The following FRMD4A variants were observed in gnomAD, a reference collection of about 807,000 sequenced individuals.
FRMD4A encodes the protein FERM domain-containing protein 4A.
FRMD4A carries 29 observed loss-of-function variants against 129.1 expected under a neutral mutation model. The ratio of observed to expected loss-of-function variants is 0.22; its 90% CI spans 0.17 to 0.31. The LOEUF is 0.31. Ranked by LOEUF, FRMD4A falls within the 10% of genes least tolerant of loss-of-function variation. The pLI, the probability that FRMD4A is intolerant of heterozygous loss-of-function variation, is 1.00. For synonymous variants in FRMD4A, 634 were observed against 571.6 expected, an observed-to-expected ratio of 1.11 and a Z score of -1.56; for missense variants, 1,272 against 1,375.8, an observed-to-expected ratio of 0.92 and a Z score of 1.19.
chr10:13,963,269 C>CTTTT (rs142764391), intron 2 of FRMD4A, among the ~76,000 whole-genome samples: 3 of 116,814 alleles, frequency 2.6e-5, no homozygotes, highest in African/African-American at 9.7e-5. Context: ...GTGCAAGCCT[C>CTTTT]TTTTTTTTTT....
chr10:14,229,326 T>C (rs1843558208), intron 2 of FRMD4A, among the ~76,000 whole-genome samples: 1 of 152,214 alleles, frequency 6.6e-6, no homozygotes, highest in Admixed American at 6.5e-5. Flanking sequence ...CCAAGTTGGT[T>C]GCATGGGTGG....
At chr10:14,133,706 G>A (rs1839385767) in intron 2 of FRMD4A, among the ~76,000 whole-genome samples, 1 of 151,868 alleles carries the variant, frequency 6.6e-6, no homozygotes, top group Admixed American at 6.6e-5. Context: ...GGAGAGGGAG[G>A]AGTAATCAAC....
chr10:13,761,498 T>C, intron 8 of FRMD4A, 149 bp downstream of exon 8: 1 of 649,930 alleles, frequency 1.5e-6, no homozygotes, highest in Non-Finnish European at 2.8e-6. Flanking sequence ...ATCTATCTGT[T>C]TCAGTGGACA....
intron 15 of FRMD4A, chr10:13,684,816 C>A (rs548774764): frequency 1.0e-5 from 10 of 982,128 alleles, no homozygotes; most frequent in Non-Finnish European, 1.2e-5. Context: ...AGAAAGGAAT[C>A]GGTTGTTCTA....
intron 24 of FRMD4A, chr10:13,647,964 C>A (rs2081251667): frequency 6.6e-6 from 1 of 152,054 alleles, no homozygotes; most frequent in Non-Finnish European, 1.5e-5. Flanking sequence ...CAGGAAGGGA[C>A]CCTAACCCAA....
At chr10:13,902,548 T>C (rs2094833421) in intron 2 of FRMD4A, among the ~76,000 whole-genome samples, 2 of 149,482 alleles carry the variant, frequency 1.3e-5, no homozygotes, top group African/African-American at 4.9e-5. Flanking sequence ...CCAGTCAAAA[T>C]AGATTCCTGG....
chr10:14,102,593 A>G (rs970685539), intron 2 of FRMD4A, among the ~76,000 whole-genome samples: 2 of 152,226 alleles, frequency 1.3e-5, no homozygotes, highest in African/African-American at 4.8e-5. Flanking sequence ...CTCACAACCC[A>G]AAGTTTGAAA....
chr10:14,017,232 C>T (rs1381571292), intron 2 of FRMD4A, among the ~76,000 whole-genome samples: 2 of 152,178 alleles, frequency 1.3e-5, no homozygotes, highest in African/African-American at 2.4e-5. Context: ...AATAAGCTGA[C>T]CTCTGTGAAG....
At chr10:14,232,778 C>T (rs1209909172) in intron 2 of FRMD4A, among the ~76,000 whole-genome samples, 1 of 152,176 alleles carries the variant, frequency 6.6e-6, no homozygotes, top group Non-Finnish European at 1.5e-5. Flanking sequence ...GATTTTGAAT[C>T]CTGAAACTTT....
In FRMD4A at chr10:14,015,396, T is replaced by TC. The variant is rs1176041673; in HGVS notation, c.46-156485dup. On this transcript the variant is annotated intron_variant, in intron 2 of 24. Coordinates refer to ENST00000357447, the MANE Select transcript of FRMD4A (RefSeq NM_018027.5). ...CCTTCCTTTTTCTCTTCCCCTCCCCTCGCCTCCCCTCCTTCCCCTTCCCTT... is the reference window on the plus strand; with the variant it reads ...CCTTCCTTTTTCTCTTCCCCTCCCCTCCGCCTCCCCTCCTTCCCCTTCCCTT... Among the ~76,000 whole-genome samples, 13 of 138,870 alleles carry TC rather than the reference T, an allele frequency of 9.4e-5. No homozygotes were observed. In the East Asian group the frequency reaches 2.9e-3, roughly 31 times the overall value. The allele number at this position is 138,870 out of a possible 152,430, so 91.1% of individuals were successfully genotyped here.
At chr10:14,142,811 G>A (rs1839901802) in intron 2 of FRMD4A, among the ~76,000 whole-genome samples, 1 of 152,030 alleles carries the variant, frequency 6.6e-6, no homozygotes, top group Non-Finnish European at 1.5e-5. Context: ...TACTAAAAAT[G>A]GAATCCAATT....
Position 13,657,163 on chromosome 10 carries a change from C to A in FRMD4A, c.2426G>T (p.Gly809Val), listed in dbSNP as rs1000862754. 3 of 1,486,990 alleles carry A rather than the reference C, an allele frequency of 2.0e-6. No homozygotes were observed. Among genetic ancestry groups the A allele is most frequent in the African/African-American group, 1.5e-5 (1 of 68,820 alleles). The allele number at this position is 1,486,990 out of a possible 1,614,324, so 92.1% of individuals were successfully genotyped here. ...CCCCGCGCCCCCCGCGCCCCCCGCA[C>A]CCCCGCGCGCCGCCAGGTTGGGCAT... ...GSMPNLAARG[G>V]AGGAGGAGGG... Residue 809 changes from glycine to valine, a missense_variant, in exon 22 of 25, where the codon GGT (glycine) becomes GTT (valine). By Grantham distance (109) the Gly-to-Val change is moderately radical. Around this residue, in one of 2 missense-constraint regions of FRMD4A, gnomAD observed 972 missense variants for 892.3 expected, o/e 1.09. Coordinates refer to ENST00000357447, the MANE Select transcript of FRMD4A (RefSeq NM_018027.5).
chr10:13,673,529 G>C (rs2083692689), intron 16 of FRMD4A, among the ~76,000 whole-genome samples: 1 of 152,170 alleles, frequency 6.6e-6, no homozygotes, highest in African/African-American at 2.4e-5. Flanking sequence ...CTGCCCTGGA[G>C]AGCTCCCACC....
intron 2 of FRMD4A, among the ~76,000 whole-genome samples, chr10:14,185,580 TTGTAAGAAAG>T (rs1564371463): frequency 1.3e-5 from 2 of 152,020 alleles, no homozygotes; most frequent in African/African-American, 4.8e-5. Flanking sequence ...CAATCTCGTC[TTGTAAGAAAG>T]AGAAACAGGT....
intron 14 of FRMD4A, among the ~76,000 whole-genome samples, chr10:13,695,014 A>G (rs1188842762): frequency 6.6e-6 from 1 of 152,198 alleles, no homozygotes; most frequent in Non-Finnish European, 1.5e-5. Flanking sequence ...TCTTCCTATT[A>G]TGGTTCAAAG....
chr10:14,330,681 G>C lies in FRMD4A; in HGVS notation c.-166C>G, dbSNP rs1179367163. ...TCAGATATCTGGGAGTGAGACAGCC[G>C]AGTCTGACCATGAGGCACCAGGCAG... is the stretch of plus-strand genomic sequence containing the variant. On this transcript the variant is annotated 5_prime_UTR_variant, in exon 1 of 25. Coordinates refer to ENST00000357447, the MANE Select transcript of FRMD4A (RefSeq NM_018027.5). 1 of 398,304 alleles carries C rather than the reference G, an allele frequency of 2.5e-6. No individual in the cohort carries two copies. Among genetic ancestry groups the C allele is most frequent in the African/African-American group, 2.1e-5 (1 of 48,576 alleles). The allele number at this position is 398,304 out of a possible 1,614,324, so 24.7% of individuals were successfully genotyped here.
At chr10:13,910,297 A>G (rs2094928000) in intron 2 of FRMD4A, among the ~76,000 whole-genome samples, 1 of 152,244 alleles carries the variant, frequency 6.6e-6, no homozygotes, top group Non-Finnish European at 1.5e-5. Context: ...ACCTGCTGGA[A>G]GATGAGAGCA....
intron 2 of FRMD4A, among the ~76,000 whole-genome samples, chr10:14,257,102 G>A (rs1047545002): frequency 6.6e-6 from 1 of 151,996 alleles, no homozygotes; most frequent in Admixed American, 6.6e-5. Context: ...GCCAAGGATG[G>A]GATGGATCAC....
chr10:13,973,585 T>C (rs1475907605), intron 2 of FRMD4A, among the ~76,000 whole-genome samples: 5 of 152,166 alleles, frequency 3.3e-5, no homozygotes, highest in Non-Finnish European at 7.3e-5. Context: ...TGTGTACTAT[T>C]CCCTTATTTT....
Sources: gnomAD v4.1 joint callset for allele counts (sites outside exome capture counted in the v4.1 genomes callset) on GRCh38, gnomAD v4.1.1 for gene constraint, gnomAD v4.1.1 regional missense constraint, MANE v1.5 for transcripts, NCBI Gene and HGNC (gene_info 2026-07-23, HGNC 2026-07-21) for gene names.